MKLN1: variants seen among roughly 807,000 people sequenced by gnomAD.
MKLN1 encodes the protein muskelin 1, also known as muskelin.
In MKLN1, 18 loss-of-function variants were observed where a neutral mutation model predicts 99.0. That is an observed-to-expected ratio of 0.18 (90% CI 0.13 to 0.27). The LOEUF is 0.27. MKLN1 is among the 10% of genes least tolerant of loss of function. The pLI, the probability that MKLN1 is intolerant of heterozygous loss-of-function variation, is 1.00. For missense variants in MKLN1, 621 were observed against 875.9 expected, an observed-to-expected ratio of 0.71 and a Z score of 3.67; for synonymous variants, 288 against 293.2, an observed-to-expected ratio of 0.98 and a Z score of 0.18.
chr7:131,160,225 TC>T (rs1234907103), intron 2 of MKLN1, among the ~76,000 whole-genome samples: 1 of 152,134 alleles, frequency 6.6e-6, no homozygotes, highest in Admixed American at 6.6e-5. Flanking sequence ...TTTTCAAGGT[TC>T]ATCCATATTG....
intron 3 of MKLN1, among the ~76,000 whole-genome samples, chr7:131,298,641 C>T (rs73722806): frequency 0.094 from 14,335 of 152,202 alleles, 893 homozygotes; most frequent in African/African-American, 0.17. Flanking sequence ...CAATAAAACA[C>T]GCCTGTCTTT....
At chr7:131,299,192 A>G (rs1271796296) in intron 3 of MKLN1, among the ~76,000 whole-genome samples, 2 of 152,176 alleles carry the variant, frequency 1.3e-5, no homozygotes, top group Non-Finnish European at 2.9e-5. Flanking sequence ...AATTATTGCA[A>G]TGCCTCCTCT....
chr7:131,366,955 G>T (rs1251375154), intron 1 of MKLN1, among the ~76,000 whole-genome samples: 1 of 152,134 alleles, frequency 6.6e-6, no homozygotes, highest in Non-Finnish European at 1.5e-5. Flanking sequence ...ATGGTGAATT[G>T]TAATCGTTTG....
intron 9 of MKLN1, among the ~76,000 whole-genome samples, chr7:131,437,222 C>G (rs1045702185): frequency 2.6e-5 from 4 of 152,034 alleles, no homozygotes; most frequent in African/African-American, 9.7e-5. Flanking sequence ...TATCCCTCCC[C>G]CTGACCCCCA....
At chr7:131,225,289 A>G (rs1026634276) in intron 3 of MKLN1, among the ~76,000 whole-genome samples, 2 of 152,146 alleles carry the variant, frequency 1.3e-5, no homozygotes, top group African/African-American at 4.8e-5. Flanking sequence ...GTGTCTCCAC[A>G]TGGTGGAAGG....
chr7:131,217,682 A>G (rs1044265042), intron 3 of MKLN1, among the ~76,000 whole-genome samples: 1 of 152,220 alleles, frequency 6.6e-6, no homozygotes, highest in Non-Finnish European at 1.5e-5. Context: ...TGGGCGAAAG[A>G]GTGAAACTCT....
In MKLN1 at chr7:131,245,575, C is replaced by A. The variant is rs141912593; in HGVS notation, c.-179+42601C>A. 4.6e-5 allele frequency among the ~76,000 whole-genome samples: 7 copies of A among 152,248 alleles called. No individual in the cohort carries two copies. The East Asian group carries it at 1.4e-3, about 29-fold the overall frequency. On this transcript the variant is annotated intron_variant, in intron 3 of 7. Coordinates refer to the MKLN1 transcript ENST00000416992. ...GATTACAGGCGTGAGCCACTGTGCCCGGCCCTATACTGTCTTTTTACTGTA... is the reference window on the plus strand; with the variant it reads ...GATTACAGGCGTGAGCCACTGTGCCAGGCCCTATACTGTCTTTTTACTGTA...
chr7:131,360,912 A>G (rs1800010255), intron 1 of MKLN1, among the ~76,000 whole-genome samples: 1 of 152,104 alleles, frequency 6.6e-6, no homozygotes, highest in Admixed American at 6.6e-5. Flanking sequence ...CACTGGATAT[A>G]GATGTCTAGG....
At chr7:131,464,606 A>G (rs527488049) in intron 14 of MKLN1, among the ~76,000 whole-genome samples, 198 bp downstream of exon 14, 1 of 152,350 alleles carries the variant, frequency 6.6e-6, no homozygotes, top group East Asian at 1.9e-4. Context: ...GTAGTCTGTA[A>G]TTCTTGGTAC....
intron 1 of MKLN1, among the ~76,000 whole-genome samples, chr7:131,131,779 T>C (rs1382829699): frequency 6.6e-6 from 1 of 152,220 alleles, no homozygotes; most frequent in Non-Finnish European, 1.5e-5. Context: ...AAAGGCATAC[T>C]TCTGCTAAGG....
chr7:131,392,884 C>T (rs1184358550), intron 4 of MKLN1, among the ~76,000 whole-genome samples: 2 of 151,682 alleles, frequency 1.3e-5, no homozygotes, highest in African/African-American at 4.8e-5. Context: ...GGATTACAGG[C>T]GTGAGCCACT....
chr7:131,407,718 A>G (rs1794750134), intron 6 of MKLN1, among the ~76,000 whole-genome samples: 1 of 135,444 alleles, frequency 7.4e-6, no homozygotes, highest in Non-Finnish European at 1.6e-5. Flanking sequence ...TTGCTCATTT[A>G]TGCCTTTGTG....
At chr7:131,241,465 G>C (rs146901125) in intron 3 of MKLN1, among the ~76,000 whole-genome samples, 31 of 151,244 alleles carry the variant, frequency 2.0e-4, no homozygotes, top group African/African-American at 6.8e-4. Context: ...CCAGCACTTT[G>C]GGAGGCCAAG....
intron 2 of MKLN1, among the ~76,000 whole-genome samples, chr7:131,164,376 A>G (rs1219251189): frequency 6.6e-6 from 1 of 152,040 alleles, no homozygotes; most frequent in Non-Finnish European, 1.5e-5. Context: ...TGGCCTCCCA[A>G]AGTACTAGGA....
At chr7:131,305,646 T>G (rs1798453447) in intron 3 of MKLN1, among the ~76,000 whole-genome samples, 1 of 152,162 alleles carries the variant, frequency 6.6e-6, no homozygotes, top group Admixed American at 6.5e-5. Flanking sequence ...AAAATTACCC[T>G]GGTTTAGTCT....
intron 1 of MKLN1, among the ~76,000 whole-genome samples, chr7:131,365,751 C>G (rs545954169): frequency 6.6e-6 from 1 of 152,004 alleles, no homozygotes; most frequent in Non-Finnish European, 1.5e-5. Context: ...ATCAGATGAT[C>G]GTAGGTATGT....
rs1797446765 is a variant in MKLN1, at chr7:131,492,375, C to CT, written c.*4652dup. On this transcript the variant is annotated 3_prime_UTR_variant, in exon 18 of 18. Transcript: ENST00000352689. ...CAGTTGCCATGAAATGATTGCTTTT[C>CT]TTTTTCTTTTTTTTTCCTTAAATAA... 1 of 151,944 alleles carries CT rather than the reference C, an allele frequency of 6.6e-6. No homozygotes were observed. Among genetic ancestry groups the CT allele is most frequent in the African/African-American group, 2.4e-5 (1 of 41,376 alleles). 9.4% of individuals were successfully genotyped at this position (151,944 alleles called of 1,614,324 possible).
At chr7:131,365,862 A>G (rs970216682) in intron 1 of MKLN1, among the ~76,000 whole-genome samples, 5 of 152,084 alleles carry the variant, frequency 3.3e-5, no homozygotes, top group Non-Finnish European at 5.9e-5. Flanking sequence ...ACAGATAACC[A>G]TTCTTGTTCT....
intron 8 of MKLN1, among the ~76,000 whole-genome samples, chr7:131,418,292 C>T (rs554022996): frequency 1.5e-4 from 23 of 149,534 alleles, no homozygotes; most frequent in Non-Finnish European, 3.4e-4. Context: ...TCACTTGAAC[C>T]TGGGAGGCGG....
Sources: allele counts gnomAD v4.1 joint callset (sites outside exome capture counted in the v4.1 genomes callset), GRCh38; gene constraint gnomAD v4.1.1; transcripts MANE v1.5; gene names NCBI Gene and HGNC (gene_info 2026-07-23, HGNC 2026-07-21).